Variants in CBLIF observed in about 807,000 individuals in gnomAD.
CBLIF encodes cobalamin binding intrinsic factor.
CBLIF carries 24 observed loss-of-function variants against 44.9 expected under a neutral mutation model. The ratio of observed to expected loss-of-function variants is 0.53; its 90% CI spans 0.39 to 0.75. CBLIF has a LOEUF of 0.75. Ranked by LOEUF, CBLIF falls within the 30% of genes least tolerant of loss-of-function variation. The probability of loss-of-function intolerance (pLI) is 0.00; values close to 1 mark genes in which losing one functional copy is unlikely to be tolerated. For synonymous variants in CBLIF, 183 were observed against 190.9 expected (o/e 0.96, Z 0.34); for missense variants, 481 against 513.0 (o/e 0.94, Z 0.60).
chr11:59,839,148 C>T (rs1866491598), intron 5 of CBLIF, among the ~76,000 whole-genome samples: 1 of 152,172 alleles, frequency 6.6e-6, no homozygotes, highest in Non-Finnish European at 1.5e-5. Flanking sequence ...CACGCCTGGC[C>T]TATCAGATCC....
chr11:59,840,542 T>A (rs1028807302), intron 5 of CBLIF, among the ~76,000 whole-genome samples: 1 of 152,318 alleles, frequency 6.6e-6, no homozygotes, highest in East Asian at 1.9e-4. Context: ...AAACACATCT[T>A]ACAGAATCCA....
At chr11:59,839,861 T>C (rs1866501256) in intron 5 of CBLIF, among the ~76,000 whole-genome samples, 1 of 151,742 alleles carries the variant, frequency 6.6e-6, no homozygotes, top group Non-Finnish European at 1.5e-5. Context: ...TGGTGATAAA[T>C]TGAAGCAAGG....
chr11:59,844,444 G>A (rs900674581), intron 1 of CBLIF, among the ~76,000 whole-genome samples: 14 of 152,114 alleles, frequency 9.2e-5, no homozygotes, highest in African/African-American at 3.4e-4. Context: ...GGCCATCTTT[G>A]ATGCCTTTTA....
chr11:59,830,084 T>C (rs1411699980), intron 8 of CBLIF, among the ~76,000 whole-genome samples: 2 of 152,196 alleles, frequency 1.3e-5, no homozygotes, highest in Admixed American at 6.5e-5. Flanking sequence ...ATCTGTTACC[T>C]TTCAGGTAGC....
chr11:59,831,877 A>G (rs933854169), intron 7 of CBLIF, 81 bp from the exon 8 acceptor site: 1 of 758,998 alleles, frequency 1.3e-6, no homozygotes, highest in Non-Finnish European at 2.4e-6. Context: ...GAGACAGTCA[A>G]TTAATTAATT....
chr11:59,843,616 T>C (rs1866567854), intron 2 of CBLIF, among the ~76,000 whole-genome samples: 1 of 152,182 alleles, frequency 6.6e-6, no homozygotes, highest in African/African-American at 2.4e-5. Flanking sequence ...CCCAGAGTTA[T>C]GACGTGGCAG....
chr11:59,833,265 C>T (rs971334613), intron 7 of CBLIF, among the ~76,000 whole-genome samples: 1 of 152,030 alleles, frequency 6.6e-6, no homozygotes, highest in African/African-American at 2.4e-5. Flanking sequence ...GCCAGTAATC[C>T]CAGCACTTTG....
intron 5 of CBLIF, among the ~76,000 whole-genome samples, chr11:59,839,495 C>T (rs1207998109): frequency 6.6e-6 from 1 of 152,146 alleles, no homozygotes. Context: ...CAATATTTGT[C>T]TGAGATGGTG....
At chr11:59,836,433 T>G (rs1057045205) in intron 6 of CBLIF, among the ~76,000 whole-genome samples, 1 of 152,228 alleles carries the variant, frequency 6.6e-6, no homozygotes, top group Non-Finnish European at 1.5e-5. Context: ...TAGTAATCTC[T>G]GGAGTAATAA....
intron 8 of CBLIF, among the ~76,000 whole-genome samples, chr11:59,831,278 G>C (rs998707028): frequency 6.6e-6 from 1 of 152,126 alleles, no homozygotes; most frequent in African/African-American, 2.4e-5. Context: ...TAAGAGAGAA[G>C]GTGAAGCATA....
At position 59,829,482 on chromosome 11, in the gene CBLIF, C is replaced by G; in HGVS notation, c.*2G>C. 6.3e-7 allele frequency: 1 copy of G among 1,597,214 alleles called. No individual in the cohort carries two copies. Among genetic ancestry groups the G allele is most frequent in the African/African-American group, 1.3e-5 (1 of 74,694 alleles). ...TTGATAGAAGCTGAACCCACCTCTT[C>G]GTTAGTACTGTGTGAAATTGGCTGT... On this transcript the variant is annotated 3_prime_UTR_variant, in exon 9 of 9. Coordinates refer to ENST00000257248, the MANE Select transcript of CBLIF (RefSeq NM_005142.3).
At chr11:59,832,030 T>A (rs1328628979) in intron 7 of CBLIF, among the ~76,000 whole-genome samples, 2 of 152,118 alleles carry the variant, frequency 1.3e-5, no homozygotes, top group Non-Finnish European at 2.9e-5. Flanking sequence ...GATAAATGCT[T>A]CAGATATTTT....
At chr11:59,831,486 T>C (rs1365048008) in intron 8 of CBLIF, 192 bp downstream of exon 8, 2 of 231,602 alleles carry the variant, frequency 8.6e-6, no homozygotes, top group Non-Finnish European at 1.6e-5. Context: ...TGATTATATA[T>C]ATATATATAT....
intron 7 of CBLIF, among the ~76,000 whole-genome samples, chr11:59,834,304 CTTTCT>C (rs1866421525): frequency 9.7e-6 from 1 of 102,970 alleles, no homozygotes; most frequent in Non-Finnish European, 2.0e-5. Context: ...TTCTTTCTTT[CTTTCT>C]TTCTTCCTTC....
Position 59,845,362 on chromosome 11 carries a change from AC to A in CBLIF, c.79+12del. On this transcript the variant is annotated intron_variant, in intron 1 of 8. Transcript: ENST00000257248. ...CTGCTTCCCTGACCTCCTTGGAAAA[AC>A]ATCATACTCACAGCATGAACTCTGG... The A allele has an allele frequency of 1.9e-6, 3 of 1,610,272 alleles. No homozygotes were observed. Among genetic ancestry groups the A allele is most frequent in the Non-Finnish European group, 2.5e-6 (3 of 1,176,720 alleles).
At chr11:59,842,676 T>C in intron 3 of CBLIF, 93 bp from the exon 4 acceptor site, 1 of 1,339,772 alleles carries the variant, frequency 7.5e-7, no homozygotes, top group Non-Finnish European at 1.1e-6. Flanking sequence ...GAAAAGGAAA[T>C]TGCTAGAAAA....
chr11:59,836,902 GCTT>G (rs1565208367), intron 6 of CBLIF, among the ~76,000 whole-genome samples: 2 of 152,232 alleles, frequency 1.3e-5, no homozygotes, highest in Non-Finnish European at 2.9e-5. Flanking sequence ...GGACCATGGA[GCTT>G]CTTCTACCTC....
At position 59,844,024 on chromosome 11, in the gene CBLIF, A is replaced by G. The variant is rs1866574457; in HGVS notation, c.111T>C (p.Asn37=). 6.2e-7 allele frequency: 1 copy of G among 1,613,918 alleles called. No individual in the cohort carries two copies. The highest frequency in any genetic ancestry group is 8.5e-7 in the Non-Finnish European group (1 of 1,179,890). Residue 37 remains asparagine (N), a synonymous_variant, in exon 2 of 9, where the codon AAT becomes AAC. Coordinates refer to ENST00000257248, the MANE Select transcript of CBLIF (RefSeq NM_005142.3). ...AGTTCTCCATGAGTACTTGTATTCC[A>G]TTGACCAAGGGCTCCTGTGCTGAGG... is the stretch of plus-strand genomic sequence containing the variant. ...SVPSAQEPLV[N]GIQVLMENSV...
chr11:59,829,926 G>A (rs1866347505), intron 8 of CBLIF, among the ~76,000 whole-genome samples: 2 of 152,232 alleles, frequency 1.3e-5, no homozygotes, highest in African/African-American at 2.4e-5. Flanking sequence ...ATAAGTGGTG[G>A]TTATTGTTAA....
Sources: gnomAD v4.1 joint callset for allele counts (sites outside exome capture counted in the v4.1 genomes callset) on GRCh38, gnomAD v4.1.1 for gene constraint, MANE v1.5 for transcripts, NCBI Gene and HGNC (gene_info 2026-07-23, HGNC 2026-07-21) for gene names.